TMEM86A: variants seen among roughly 807,000 people sequenced by gnomAD.
The protein encoded by TMEM86A is transmembrane protein 86A.
A neutral mutation model predicts 19.8 loss-of-function variants in TMEM86A; 13 were observed. That is an observed-to-expected ratio of 0.66 (90% CI 0.43 to 1.04). The LOEUF (loss-of-function observed/expected upper bound fraction) is 1.04. TMEM86A is among the 50% of genes least tolerant of loss of function. The probability of loss-of-function intolerance (pLI) is 0.00; values close to 1 mark genes in which losing one functional copy is unlikely to be tolerated. For missense variants in TMEM86A, 248 were observed against 306.8 expected (o/e 0.81, Z 1.43); for synonymous variants, 128 against 129.9 (o/e 0.99, Z 0.10).
In TMEM86A at chr11:18,702,099, G is replaced by A; in HGVS notation, c.*90G>A. On this transcript the variant is annotated 3_prime_UTR_variant, in exon 3 of 3. Coordinates refer to ENST00000280734, the MANE Select transcript of TMEM86A (RefSeq NM_153347.3). ...GGAGCTGGATCAGGATGGCTGCAGT[G>A]CCAGCCTGGGGCAGCAGGTACTGCC... 1 of 1,383,378 alleles carries A rather than the reference G, an allele frequency of 7.2e-7. No homozygotes were observed. Among genetic ancestry groups the A allele is most frequent in the East Asian group, 2.3e-5 (1 of 43,446 alleles). 85.7% of individuals were successfully genotyped at this position (1,383,378 alleles called of 1,614,324 possible). A position where few individuals can be genotyped will look rare whatever the true frequency, so the allele number is the denominator to read the frequency against.
chr11:18,703,429 A>G lies in TMEM86A; in HGVS notation c.*1420A>G, dbSNP rs998699090. On this transcript the variant is annotated 3_prime_UTR_variant, in exon 3 of 3. Transcript: ENST00000280734. ...GACCTTTAGTTACCCAGTGTCATCT[A>G]TTGCTGCCCACCTCCTCCCCTCCCC... 6.6e-6 allele frequency: 1 copy of G among 152,244 alleles called. No homozygotes were observed. Among genetic ancestry groups the G allele is most frequent in the East Asian group, 1.9e-4 (1 of 5,198 alleles). The allele number at this position is 152,244 out of a possible 1,614,324, so 9.4% of individuals were successfully genotyped here.
rs189171261 is a variant in TMEM86A at position 18,704,266 on chromosome 11, C to T, written c.*2257C>T. The T allele has an allele frequency of 3.9e-4, 218 of 564,624 alleles. No homozygotes were observed. Among genetic ancestry groups the T allele is most frequent in the Non-Finnish European group, 6.4e-4 (201 of 313,608 alleles). The allele number at this position is 564,624 out of a possible 1,614,324, so 35.0% of individuals were successfully genotyped here. ...TCTGGGATTCCCTATCATGCAATCA[C>T]ATCCATCCCCTTGGTCCCTGCTGTA... On this transcript the variant is annotated 3_prime_UTR_variant, in exon 3 of 3. Coordinates refer to ENST00000280734, the MANE Select transcript of TMEM86A (RefSeq NM_153347.3).
chr11:18,702,085 A>G lies in TMEM86A; in HGVS notation c.*76A>G, dbSNP rs1848156815. On this transcript the variant is annotated 3_prime_UTR_variant, in exon 3 of 3. Transcript: ENST00000280734. ...CCTGGGGACCTGCAGGAGCTGGATCAGGATGGCTGCAGTGCCAGCCTGGGG... is the reference window on the plus strand; with the variant it reads ...CCTGGGGACCTGCAGGAGCTGGATCGGGATGGCTGCAGTGCCAGCCTGGGG... 6.6e-7 allele frequency: 1 copy of G among 1,504,600 alleles called. No homozygotes were observed. Among genetic ancestry groups the G allele is most frequent in the East Asian group, 2.3e-5 (1 of 44,174 alleles). 93.2% of individuals were successfully genotyped at this position (1,504,600 alleles called of 1,614,324 possible).
intron 1 of TMEM86A, 29 bp from the exon 2 acceptor site, chr11:18,700,904 G>A: frequency 6.2e-7 from 1 of 1,609,142 alleles, no homozygotes; most frequent in Non-Finnish European, 8.5e-7. Flanking sequence ...CCCAAGTTCT[G>A]AGTGCTGCCC....
At chr11:18,700,694 G>C in intron 1 of TMEM86A, 1 of 591,190 alleles carries the variant, frequency 1.7e-6, no homozygotes, top group Non-Finnish European at 3.0e-6. Flanking sequence ...AAGCACACTA[G>C]GCTGCAGAAG....
chr11:18,701,306 GAGC>G lies in TMEM86A; in HGVS notation c.286+110_286+112del. 6.9e-7 allele frequency: 1 copy of G among 1,441,694 alleles called. No homozygotes were observed. Among genetic ancestry groups the G allele is most frequent in the Admixed American group, 2.1e-5 (1 of 47,008 alleles). 89.3% of individuals were successfully genotyped at this position (1,441,694 alleles called of 1,614,324 possible). A position where few individuals can be genotyped will look rare whatever the true frequency, so the allele number is the denominator to read the frequency against. On this transcript the variant is annotated intron_variant, in intron 2 of 2. Transcript: ENST00000280734. This position sits in a 1 kb window ranked among gnomAD's most constrained non-coding sequence, Gnocchi z 5.3. Reference sequence around the variant, plus strand: ...GGGAGTTCTTGAACCAGAGTGTGGGGAGCCTGAGGGTTTCTGAGGCCAGGGACT... The same window carrying G: ...GGGAGTTCTTGAACCAGAGTGTGGGGCTGAGGGTTTCTGAGGCCAGGGACT...
rs1053511398 is a variant in TMEM86A at position 18,699,595 on chromosome 11, C to G, written c.21+688C>G. ...GGCCATGGAGCGGAGGTTAATGCTC[C>G]CAGGGGCTGGCAGGTGGTTGCTGGG... On this transcript the variant is annotated intron_variant, in intron 1 of 2. Coordinates refer to ENST00000280734, the MANE Select transcript of TMEM86A (RefSeq NM_153347.3). This position sits in a 1 kb window ranked among gnomAD's most constrained non-coding sequence, Gnocchi z 4.0. Among the ~76,000 whole-genome samples, 1 of 152,166 alleles carries G rather than the reference C, an allele frequency of 6.6e-6. No homozygotes were observed. The highest frequency in any genetic ancestry group is 6.5e-5 in the Admixed American group (1 of 15,276).
At chr11:18,700,363 T>C (rs1794441012) in intron 1 of TMEM86A, among the ~76,000 whole-genome samples, 1 of 152,224 alleles carries the variant, frequency 6.6e-6, no homozygotes, top group African/African-American at 2.4e-5. Flanking sequence ...ATAGCCCTCC[T>C]TGCCCTTGAT....
Position 18,702,036 on chromosome 11 carries a change from T to C in TMEM86A, c.*27T>C, listed in dbSNP as rs1234818775. On this transcript the variant is annotated 3_prime_UTR_variant, in exon 3 of 3. Coordinates refer to ENST00000280734, the MANE Select transcript of TMEM86A (RefSeq NM_153347.3). ...GTGCCAGGGTCTGGTCACCCCTCTC[T>C]CCTCCTGGGGCTGGGGCCCAGATCC... 1.3e-6 allele frequency: 2 copies of C among 1,594,866 alleles called. No individual in the cohort carries two copies. Among genetic ancestry groups the C allele is most frequent in the Admixed American group, 3.3e-5 (2 of 59,814 alleles).
In TMEM86A at chr11:18,701,270, G is replaced by T; in HGVS notation, c.286+73G>T. The stretch of plus-strand genomic sequence containing the variant: ...TAGAGGGTCCTGGGCTGTGGGCAAA[G>T]ATTTGGAAGAGGGAGTTCTTGAACC... On this transcript the variant is annotated intron_variant, in intron 2 of 2. Coordinates refer to ENST00000280734, the MANE Select transcript of TMEM86A (RefSeq NM_153347.3). This position sits in a 1 kb window ranked among gnomAD's most constrained non-coding sequence, Gnocchi z 5.3. The T allele has an allele frequency of 6.5e-7, 1 of 1,548,990 alleles. No individual in the cohort carries two copies. The highest frequency in any genetic ancestry group is 8.7e-7 in the Non-Finnish European group (1 of 1,147,090).
At chr11:18,700,616 G>T (rs1198070061) in intron 1 of TMEM86A, 2 of 438,372 alleles carry the variant, frequency 4.6e-6, no homozygotes, top group Non-Finnish European at 8.4e-6. Flanking sequence ...ACAGCTGGGG[G>T]CTGTTGCTGG....
In TMEM86A at chr11:18,703,275, GGA is replaced by G. The variant is rs1315020391; in HGVS notation, c.*1268_*1269del. 1 of 152,408 alleles carries G rather than the reference GGA, an allele frequency of 6.6e-6. No individual in the cohort carries two copies. Among genetic ancestry groups the G allele is most frequent in the African/African-American group, 2.4e-5 (1 of 41,462 alleles). 9.4% of individuals were successfully genotyped at this position (152,408 alleles called of 1,614,324 possible). A position where few individuals can be genotyped will look rare whatever the true frequency, so the allele number is the denominator to read the frequency against. On this transcript the variant is annotated 3_prime_UTR_variant, in exon 3 of 3. Coordinates refer to ENST00000280734, the MANE Select transcript of TMEM86A (RefSeq NM_153347.3). ...TGGCTCTGGTGACACTGTGCCGGTT[GGA>G]GTGTGTCTCACTTCCCTGGTGTGGG...
chr11:18,702,189 A>G lies in TMEM86A; in HGVS notation c.*180A>G, dbSNP rs1326398368. The stretch of plus-strand genomic sequence containing the variant: ...ATCTCCCTAGCAGAACTCGTGGTTC[A>G]GGACAATGCTGAGAGCTAAAAGAGC... On this transcript the variant is annotated 3_prime_UTR_variant, in exon 3 of 3. Coordinates refer to ENST00000280734, the MANE Select transcript of TMEM86A (RefSeq NM_153347.3). 3 of 646,100 alleles carry G rather than the reference A, an allele frequency of 4.6e-6. No homozygotes were observed. The highest frequency in any genetic ancestry group is 7.9e-6 in the Non-Finnish European group (3 of 378,562). The allele number at this position is 646,100 out of a possible 1,614,324, so 40.0% of individuals were successfully genotyped here. A position where few individuals can be genotyped will look rare whatever the true frequency, so the allele number is the denominator to read the frequency against.
In TMEM86A at chr11:18,699,058, C is replaced by T. The variant is rs1590427502; in HGVS notation, c.21+151C>T. The T allele has an allele frequency of 5.8e-5, 21 of 363,586 alleles. No homozygotes were observed. The East Asian group carries it at 8.7e-4, about 15-fold the overall frequency. 22.5% of individuals were successfully genotyped at this position (363,586 alleles called of 1,614,324 possible). On this transcript the variant is annotated intron_variant, in intron 1 of 2. Transcript: ENST00000280734. The surrounding 1 kb of genome is among the most constrained non-coding windows in gnomAD (Gnocchi z 4.0). ...TCCCGCGGCGGGAGGCGGGCGCTGT[C>T]ACCGCCCCCCGCTCCTCAGACTCGC...
chr11:18,703,283 T>C lies in TMEM86A; in HGVS notation c.*1274T>C, dbSNP rs886604803. 2.0e-5 allele frequency: 3 copies of C among 152,446 alleles called. No homozygotes were observed. The highest frequency in any genetic ancestry group is 4.4e-5 in the Non-Finnish European group (3 of 68,262). The allele number at this position is 152,446 out of a possible 1,614,324, so 9.4% of individuals were successfully genotyped here. On this transcript the variant is annotated 3_prime_UTR_variant, in exon 3 of 3. Transcript: ENST00000280734. ...GTGACACTGTGCCGGTTGGAGTGTG[T>C]CTCACTTCCCTGGTGTGGGTGAGGA...
rs1032339251 is a variant in TMEM86A, at chr11:18,702,278, C to G, written c.*269C>G. On this transcript the variant is annotated 3_prime_UTR_variant, in exon 3 of 3. Transcript: ENST00000280734. ...CCCACCTCTACCCTATCAGGACTTT[C>G]AAAACCCCCCTGGAAGGTGATGGTG... 2.0e-6 allele frequency: 1 copy of G among 504,984 alleles called. No individual in the cohort carries two copies. The highest frequency in any genetic ancestry group is 3.6e-6 in the Non-Finnish European group (1 of 278,506). 31.3% of individuals were successfully genotyped at this position (504,984 alleles called of 1,614,324 possible).
chr11:18,702,419 A>T lies in TMEM86A; in HGVS notation c.*410A>T. The T allele has an allele frequency of 4.5e-6, 1 of 221,532 alleles. No homozygotes were observed. Among genetic ancestry groups the T allele is most frequent in the Non-Finnish European group, 9.1e-6 (1 of 109,428 alleles). 13.7% of individuals were successfully genotyped at this position (221,532 alleles called of 1,614,324 possible). On this transcript the variant is annotated 3_prime_UTR_variant, in exon 3 of 3. Transcript: ENST00000280734. The stretch of plus-strand genomic sequence containing the variant: ...GGTTCACCCACTCCTCCCCTTTTTC[A>T]TCTGCACAAAGTTGAGGGAAACGGG...
Position 18,698,902 on chromosome 11 carries a change from A to T in TMEM86A, c.16A>T (p.Thr6Ser). 1 of 675,858 alleles carries T rather than the reference A, an allele frequency of 1.5e-6. No homozygotes were observed. The highest frequency in any genetic ancestry group is 2.6e-6 in the Non-Finnish European group (1 of 377,790). The allele number at this position is 675,858 out of a possible 1,614,324, so 41.9% of individuals were successfully genotyped here. A position where few individuals can be genotyped will look rare whatever the true frequency, so the allele number is the denominator to read the frequency against. The change falls in exon 1 of 3, where the codon ACT (threonine) becomes TCT (serine). Residue 6 changes from threonine to serine, a missense_variant. Coordinates refer to ENST00000280734, the MANE Select transcript of TMEM86A (RefSeq NM_153347.3). Reference sequence around the variant, plus strand: ...CGCCGCCGCCATGGTGTCCCCGGTCACTGTGGTGAGTGAGCGAGCGAGCGA... The same window carrying T: ...CGCCGCCGCCATGGTGTCCCCGGTCTCTGTGGTGAGTGAGCGAGCGAGCGA... MVSPV[T>S]VVKSEGPKLV...
rs1411763736 is a variant in TMEM86A, at chr11:18,701,642, G to A, written c.356G>A (p.Arg119Gln). The part of the protein sequence containing the change: ...SAFGMQPLAL[R>Q]TGLVMAALSG... ...TTTGGCATGCAGCCACTGGCTCTTC[G>A]GACAGGTCTGGTGATGGCAGCGCTG... The change falls in exon 3 of 3, where the codon CGG becomes CAG. Residue 119 changes from arginine to glutamine, a missense_variant. By Grantham distance (43) the Arg-to-Gln change is conservative (BLOSUM62 1). Coordinates refer to ENST00000280734, the MANE Select transcript of TMEM86A (RefSeq NM_153347.3). The surrounding 1 kb of genome is among the most constrained non-coding windows in gnomAD (Gnocchi z 5.3). 1.4e-5 allele frequency: 23 copies of A among 1,601,172 alleles called. No individual in the cohort carries two copies. Among genetic ancestry groups the A allele is most frequent in the Non-Finnish European group, 2.0e-5 (23 of 1,171,376 alleles).
Sources: gnomAD v4.1 joint callset for allele counts (sites outside exome capture counted in the v4.1 genomes callset) on GRCh38, gnomAD v4.1.1 for gene constraint, Gnocchi (gnomAD v3.1) non-coding constraint, MANE v1.5 for transcripts, NCBI Gene and HGNC (gene_info 2026-07-23, HGNC 2026-07-21) for gene names.